Variants in STOX2 observed in about 807,000 individuals in gnomAD.
STOX2 encodes the protein storkhead-box protein 2.
Under a neutral mutation model 60.9 loss-of-function variants are expected in STOX2, and 28 were observed. The observed-to-expected ratio is 0.46, with a 90% confidence interval of 0.34 to 0.63. The LOEUF (loss-of-function observed/expected upper bound fraction) is 0.63, where lower values mean the gene tolerates loss of function less well. Ranked by LOEUF, STOX2 falls within the 30% of genes least tolerant of loss-of-function variation. The pLI is 0.01. For synonymous variants in STOX2, 472 were observed against 463.9 expected (o/e 1.02, Z -0.22); for missense variants, 1,024 against 1,187.7 (o/e 0.86, Z 2.03).
At chr4:183,913,172 A>G (rs1489492900) in intron 1 of STOX2, among the ~76,000 whole-genome samples, 1 of 152,204 alleles carries the variant, frequency 6.6e-6, no homozygotes, top group Non-Finnish European at 1.5e-5. Flanking sequence ...AGGTTGAGGA[A>G]GCGGTACAAA....
intron 1 of STOX2, among the ~76,000 whole-genome samples, chr4:183,889,231 G>A (rs757987594): frequency 6.6e-6 from 1 of 152,008 alleles, no homozygotes; most frequent in Non-Finnish European, 1.5e-5. Context: ...GTTAAGAGGA[G>A]GTTGTACTGG....
At chr4:183,993,408 C>T (rs185432868) in intron 1 of STOX2, among the ~76,000 whole-genome samples, 60 of 152,256 alleles carry the variant, frequency 3.9e-4, no homozygotes, top group Non-Finnish European at 5.4e-4. Flanking sequence ...CCTTGGCCAC[C>T]GTGTTACTCT....
chr4:183,938,568 C>T (rs1197538079), intron 1 of STOX2, among the ~76,000 whole-genome samples: 6 of 143,878 alleles, frequency 4.2e-5, no homozygotes, highest in East Asian at 2.2e-4. Flanking sequence ...ACTCAGGAGG[C>T]GGAGGCAGGA....
chr4:183,886,766 C>T (rs536454157), intron 1 of STOX2, among the ~76,000 whole-genome samples: 7 of 152,144 alleles, frequency 4.6e-5, no homozygotes, highest in African/African-American at 1.4e-4. Context: ...CAAGCACAGA[C>T]GTCTCATTAG....
intron 1 of STOX2, among the ~76,000 whole-genome samples, chr4:183,867,773 G>A (rs1280294428): frequency 6.6e-6 from 1 of 152,164 alleles, no homozygotes; most frequent in Non-Finnish European, 1.5e-5. Flanking sequence ...CTCTGTGCTG[G>A]GCTCAAGAGA....
intron 1 of STOX2, among the ~76,000 whole-genome samples, chr4:183,801,850 A>G (rs774290274): frequency 6.6e-6 from 1 of 152,178 alleles, no homozygotes; most frequent in Non-Finnish European, 1.5e-5. Flanking sequence ...TCTGTGTTAC[A>G]ATGAGAATTC....
chr4:183,990,524 T>G (rs989567288), intron 1 of STOX2, among the ~76,000 whole-genome samples: 4 of 146,818 alleles, frequency 2.7e-5, no homozygotes, highest in Non-Finnish European at 6.0e-5. Context: ...TCCCTACACA[T>G]GGAACCCTTT....
At chr4:183,982,932 CA>C (rs1438485164) in intron 1 of STOX2, among the ~76,000 whole-genome samples, 1 of 152,198 alleles carries the variant, frequency 6.6e-6, no homozygotes, top group African/African-American at 2.4e-5. Context: ...AAACATTCAG[CA>C]TGAGGAACAT....
At chr4:183,878,513 G>T (rs1740881404) in intron 1 of STOX2, among the ~76,000 whole-genome samples, 1 of 152,112 alleles carries the variant, frequency 6.6e-6, no homozygotes, top group South Asian at 2.1e-4. Context: ...TCCTGATTTT[G>T]ATTTGGAATT....
At chr4:183,926,488 TAAAG>T in intron 1 of STOX2, among the ~76,000 whole-genome samples, 1 of 152,372 alleles carries the variant, frequency 6.6e-6, no homozygotes, top group South Asian at 2.1e-4. Context: ...AGTTTACTGA[TAAAG>T]AATTTGTGGT....
intron 1 of STOX2, among the ~76,000 whole-genome samples, chr4:183,835,460 G>A (rs564879982): frequency 1.8e-4 from 28 of 152,130 alleles, no homozygotes; most frequent in Admixed American, 1.6e-3. Context: ...TCCTGACCTC[G>A]TGATCCACCT....
chr4:183,855,367 ATG>A (rs1740261833), intron 1 of STOX2, among the ~76,000 whole-genome samples: 1 of 152,162 alleles, frequency 6.6e-6, no homozygotes, highest in Non-Finnish European at 1.5e-5. Context: ...TAATGCAGGC[ATG>A]TGTGAAAGGG....
chr4:183,939,200 T>C (rs1742680917), intron 1 of STOX2, among the ~76,000 whole-genome samples: 1 of 152,212 alleles, frequency 6.6e-6, no homozygotes, highest in South Asian at 2.1e-4. Flanking sequence ...ACTGGGTGGC[T>C]AACAACCCCT....
chr4:183,940,183 G>A (rs867618616), intron 1 of STOX2, among the ~76,000 whole-genome samples: 1 of 152,172 alleles, frequency 6.6e-6, no homozygotes, highest in South Asian at 2.1e-4. Flanking sequence ...GATTACAGGC[G>A]TGAGCCACCG....
In STOX2 at chr4:184,001,283, G is replaced by T. The variant is rs1733581422; in HGVS notation, c.167-42G>T. 1 of 1,605,336 alleles carries T rather than the reference G, an allele frequency of 6.2e-7. No individual in the cohort carries two copies. Among genetic ancestry groups the T allele is most frequent in the African/African-American group, 1.3e-5 (1 of 74,914 alleles). Reference sequence around the variant, plus strand: ...AGGCGTGTGTCTGACAGATGACCGGGTCTTTTAATGAACCACTCACTTGAA... The same window carrying T: ...AGGCGTGTGTCTGACAGATGACCGGTTCTTTTAATGAACCACTCACTTGAA... On this transcript the variant is annotated intron_variant, in intron 1 of 3. Coordinates refer to ENST00000308497, the MANE Select transcript of STOX2 (RefSeq NM_020225.3). This position sits in a 1 kb window ranked among gnomAD's most constrained non-coding sequence, Gnocchi z 4.2.
At chr4:183,998,153 A>G (rs1733424981) in intron 1 of STOX2, among the ~76,000 whole-genome samples, 1 of 152,028 alleles carries the variant, frequency 6.6e-6, no homozygotes, top group African/African-American at 2.4e-5. Context: ...ATCTTCTGAG[A>G]TGTTCTTAGT....
chr4:183,967,030 T>C (rs1157280252), intron 1 of STOX2, among the ~76,000 whole-genome samples: 1 of 151,930 alleles, frequency 6.6e-6, no homozygotes, highest in African/African-American at 2.4e-5. Context: ...GGCAGTAAAG[T>C]GTAGTTGTTA....
chr4:183,883,861 T>A (rs959027668), intron 1 of STOX2, among the ~76,000 whole-genome samples: 3 of 36,316 alleles, frequency 8.3e-5, no homozygotes, highest in African/African-American at 2.0e-4. Flanking sequence ...TTTTATTTTA[T>A]TTTTTTTTGA....
intron 1 of STOX2, among the ~76,000 whole-genome samples, chr4:183,871,455 G>A (rs545505316): frequency 6.6e-6 from 1 of 152,230 alleles, no homozygotes; most frequent in African/African-American, 2.4e-5. Context: ...TAATCTCCTA[G>A]TCACTTTAGT....
Sources: gnomAD v4.1 joint callset for allele counts (sites outside exome capture counted in the v4.1 genomes callset) on GRCh38, gnomAD v4.1.1 for gene constraint, Gnocchi (gnomAD v3.1) non-coding constraint, MANE v1.5 for transcripts, NCBI Gene and HGNC (gene_info 2026-07-23, HGNC 2026-07-21) for gene names.